Variants in PTPRD observed in about 807,000 individuals in gnomAD.
PTPRD encodes the protein receptor-type tyrosine-protein phosphatase delta.
A neutral mutation model predicts 214.5 loss-of-function variants in PTPRD; 34 were observed. That is an observed-to-expected ratio of 0.16 (90% CI 0.12 to 0.21). The LOEUF is 0.21. Among genes scored for constraint, PTPRD ranks in the 10% least tolerant of loss-of-function variants. The probability of loss-of-function intolerance (pLI) is 1.00; values close to 1 mark genes in which losing one functional copy is unlikely to be tolerated. For synonymous variants in PTPRD, 1,128 were observed against 845.7 expected (o/e 1.33, Z -5.79); for missense variants, 2,545 against 2,398.7 (o/e 1.06, Z -1.27).
At chr9:8,914,717 T>C (rs1040279585) in intron 11 of PTPRD, among the ~76,000 whole-genome samples, 9 of 152,156 alleles carry the variant, frequency 5.9e-5, no homozygotes, top group African/African-American at 1.9e-4. Flanking sequence ...TTTTAAACAA[T>C]TTGAAGTGTA....
intron 12 of PTPRD, among the ~76,000 whole-genome samples, chr9:8,687,370 A>C (rs2097702419): frequency 6.6e-6 from 1 of 152,262 alleles, no homozygotes; most frequent in Non-Finnish European, 1.5e-5. Context: ...AGATTCAGAA[A>C]TAAAACTATG....
In PTPRD at chr9:9,100,384, G is replaced by T. The variant is rs1287249506; in HGVS notation, c.-142-81649C>A. On this transcript the variant is annotated intron_variant, in intron 10 of 45. Transcript: ENST00000381196. ...TATACTGATTTCTGAGAAGTGCTTTGAAAATGTATCTGTAGTGACACAGAG... is the reference window on the plus strand; with the variant it reads ...TATACTGATTTCTGAGAAGTGCTTTTAAAATGTATCTGTAGTGACACAGAG... 2.6e-5 allele frequency among the ~76,000 whole-genome samples: 4 copies of T among 152,128 alleles called. No homozygotes were observed. In the East Asian group the frequency reaches 7.7e-4, roughly 29 times the overall value.
At chr9:8,959,584 A>G (rs1004779004) in intron 11 of PTPRD, among the ~76,000 whole-genome samples, 1 of 152,118 alleles carries the variant, frequency 6.6e-6, no homozygotes. Flanking sequence ...CAAGTATCAG[A>G]TGATATATCA....
intron 9 of PTPRD, among the ~76,000 whole-genome samples, chr9:9,191,256 A>G (rs544130334): frequency 6.6e-6 from 1 of 152,258 alleles, no homozygotes; most frequent in East Asian, 1.9e-4. Context: ...CGCTTACGAC[A>G]GAGACTACTG....
intron 11 of PTPRD, among the ~76,000 whole-genome samples, chr9:8,847,009 G>T (rs939115542): frequency 2.0e-5 from 3 of 152,002 alleles, no homozygotes; most frequent in African/African-American, 4.8e-5. Context: ...AGAAGATGGG[G>T]GCCTTTCAAC....
chr9:9,576,756 G>T (rs1034070353), intron 7 of PTPRD, among the ~76,000 whole-genome samples: 10 of 152,108 alleles, frequency 6.6e-5, no homozygotes, highest in Non-Finnish European at 1.3e-4. Context: ...ATTACTAAAA[G>T]TTTAAAGTCA....
At chr9:10,496,769 T>A (rs186269776) in intron 2 of PTPRD, among the ~76,000 whole-genome samples, 1 of 152,134 alleles carries the variant, frequency 6.6e-6, no homozygotes, top group African/African-American at 2.4e-5. Flanking sequence ...GAGAGGTGTG[T>A]GTTCAGGTAC....
intron 10 of PTPRD, among the ~76,000 whole-genome samples, chr9:9,071,130 C>T (rs1442568300): frequency 6.6e-6 from 1 of 152,064 alleles, no homozygotes; most frequent in African/African-American, 2.4e-5. Flanking sequence ...GCCAGTGCTA[C>T]CTTTAAATAC....
intron 11 of PTPRD, among the ~76,000 whole-genome samples, chr9:8,803,898 G>GT (rs2096620815): frequency 6.6e-6 from 1 of 152,032 alleles, no homozygotes; most frequent in South Asian, 2.1e-4. Context: ...CACTAAAAGT[G>GT]TTTTTTCTTT....
At position 9,418,316 on chromosome 9, in the gene PTPRD, A is replaced by C. The variant is rs185508641; in HGVS notation, c.-236-20834T>G. On this transcript the variant is annotated intron_variant, in intron 8 of 45. Transcript: ENST00000381196. ...TGGTTATTCATAGTTTCTTATGTCT[A>C]AAATGAATCTAGCCCAGAGTTAGCC... Among the ~76,000 whole-genome samples the C allele has an allele frequency of 8.0e-4, 121 of 152,198 alleles. 1 individual carries two copies. Among genetic ancestry groups the C allele is most frequent in the Admixed American group, 7.9e-3 (121 of 15,280 alleles).
intron 7 of PTPRD, among the ~76,000 whole-genome samples, chr9:9,694,581 A>T (rs765842161): frequency 1.3e-5 from 2 of 152,022 alleles, no homozygotes; most frequent in Non-Finnish European, 2.9e-5. Flanking sequence ...ATGTCCAGAG[A>T]TGCTGTCCGG....
chr9:8,670,525 C>G (rs764260515), intron 12 of PTPRD, among the ~76,000 whole-genome samples: 13 of 152,202 alleles, frequency 8.5e-5, no homozygotes, highest in Non-Finnish European at 1.9e-4. Context: ...TGTGAGATGA[C>G]AGATGTTAAT....
chr9:10,317,388 T>G (rs1565251733), intron 3 of PTPRD, among the ~76,000 whole-genome samples: 1 of 152,006 alleles, frequency 6.6e-6, no homozygotes, highest in Non-Finnish European at 1.5e-5. Context: ...AGGCCAAACT[T>G]TCATTAGCAC....
At chr9:8,900,729 G>A (rs890958442) in intron 11 of PTPRD, among the ~76,000 whole-genome samples, 4 of 152,170 alleles carry the variant, frequency 2.6e-5, no homozygotes, top group African/African-American at 7.2e-5. Flanking sequence ...CTTGTTTGTA[G>A]TGAATAAACC....
intron 5 of PTPRD, among the ~76,000 whole-genome samples, chr9:9,926,028 T>C (rs184952448): frequency 1.8e-3 from 277 of 152,012 alleles, no homozygotes; most frequent in African/African-American, 6.0e-3. Context: ...ATGGGGTCTT[T>C]CTATGTTGCC....
intron 4 of PTPRD, among the ~76,000 whole-genome samples, chr9:10,014,081 T>C (rs1256628492): frequency 6.6e-5 from 10 of 152,002 alleles, no homozygotes; most frequent in Non-Finnish European, 1.5e-4. Flanking sequence ...CCATTTTCAG[T>C]TGCCAACTAG....
At chr9:8,392,315 T>A (rs1049583726) in intron 36 of PTPRD, among the ~76,000 whole-genome samples, 3 of 151,936 alleles carry the variant, frequency 2.0e-5, no homozygotes, top group Non-Finnish European at 2.9e-5. Context: ...TTATTGAGAA[T>A]AGCACATGAC....
At chr9:9,455,292 A>C (rs552377088) in intron 8 of PTPRD, among the ~76,000 whole-genome samples, 1 of 151,550 alleles carries the variant, frequency 6.6e-6, no homozygotes, top group Non-Finnish European at 1.5e-5. Flanking sequence ...TTAAAATATT[A>C]ATTTTTAAAA....
At chr9:9,007,306 T>C (rs1019511117) in intron 11 of PTPRD, among the ~76,000 whole-genome samples, 4 of 150,844 alleles carry the variant, frequency 2.7e-5, no homozygotes, top group Non-Finnish European at 4.4e-5. Flanking sequence ...CTAGATGACT[T>C]TGTGCTAACT....
Sources: gnomAD v4.1 joint callset for allele counts (sites outside exome capture counted in the v4.1 genomes callset) on GRCh38, gnomAD v4.1.1 for gene constraint, MANE v1.5 for transcripts, NCBI Gene and HGNC (gene_info 2026-07-23, HGNC 2026-07-21) for gene names.